Variants in IARS1 observed in about 807,000 individuals in gnomAD.
IARS1 encodes the protein isoleucyl-tRNA synthetase 1.
In IARS1, 124 loss-of-function variants were observed where a neutral mutation model predicts 168.2. That is an observed-to-expected ratio of 0.74 (90% CI 0.64 to 0.86). The LOEUF is 0.86. IARS1 is among the 40% of genes least tolerant of loss of function. IARS1 has a pLI of 0.00. For synonymous variants in IARS1, 532 were observed against 529.4 expected, an observed-to-expected ratio of 1.00 and a Z score of -0.07; for missense variants, 1,452 against 1,515.8, an observed-to-expected ratio of 0.96 and a Z score of 0.70.
chr9:92,217,237 C>T (rs1838865152), intron 33 of IARS1, among the ~76,000 whole-genome samples: 1 of 151,674 alleles, frequency 6.6e-6, no homozygotes, highest in African/African-American at 2.4e-5. Flanking sequence ...AGAACAAAGA[C>T]ACAACATACC....
chr9:92,283,952 G>A (rs1044188339), intron 6 of IARS1, among the ~76,000 whole-genome samples: 7 of 152,126 alleles, frequency 4.6e-5, no homozygotes, highest in African/African-American at 9.7e-5. Context: ...AGGCCAAGGC[G>A]GGTGGACTGC....
chr9:92,257,475 T>C (rs538226967), intron 19 of IARS1, among the ~76,000 whole-genome samples: 1 of 152,264 alleles, frequency 6.6e-6, no homozygotes, highest in Non-Finnish European at 1.5e-5. Context: ...CCCACACCAG[T>C]GGAGACCTGC....
chr9:92,291,833 C>T (rs953639391), intron 1 of IARS1, among the ~76,000 whole-genome samples: 5 of 152,168 alleles, frequency 3.3e-5, no homozygotes, highest in African/African-American at 9.7e-5. Context: ...GCAGACTTAC[C>T]AGCCTCACCT....
rs79227574 is a variant in IARS1 at position 92,277,848 on chromosome 9, G to A, written c.894+15C>T. The stretch of plus-strand genomic sequence containing the variant: ...GATTGTGGAGAGCGCCCACAGTAGC[G>A]GTCCCTAAGCTTACCTTCAGGAAAT... On this transcript the variant is annotated intron_variant, in intron 9 of 33. Coordinates refer to ENST00000443024, the MANE Select transcript of IARS1 (RefSeq NM_002161.6). The A allele has an allele frequency of 1.4e-3, 2,270 of 1,609,806 alleles. 26 individuals carry two copies. The African/African-American group carries it at 0.016, about 11-fold the overall frequency.
In IARS1 at chr9:92,216,039, A is replaced by T. The variant is rs1838622766; in HGVS notation, c.3707-5150T>A. ...GCCAGAGAGAAAGGTCGGGTTACCC[A>T]CAAAGGGAAGCCCATCAGACTAACA... On this transcript the variant is annotated intron_variant, in intron 33 of 33. Transcript: ENST00000443024. Among the ~76,000 whole-genome samples, 4 of 151,576 alleles carry T rather than the reference A, an allele frequency of 2.6e-5. No homozygotes were observed. In the South Asian group the frequency reaches 6.3e-4, roughly 24 times the overall value.
Position 92,288,190 on chromosome 9 carries a change from T to C in IARS1, c.212A>G (p.Tyr71Cys). The C allele has an allele frequency of 1.2e-6, 2 of 1,614,110 alleles. No individual in the cohort carries two copies. Among genetic ancestry groups the C allele is most frequent in the East Asian group, 2.2e-5 (1 of 44,868 alleles). Residue 71 changes from tyrosine to cysteine, a missense_variant, in exon 3 of 34, where the codon TAT becomes TGT. Physicochemically the swap from Tyr to Cys is radical, Grantham distance 194. Transcript: ENST00000443024. ...AACATGAAACCCACTCTGGTGAGCA[T>C]ATCTTGTAACTATATCTTTAATTGT... ...AGTIKDIVTRYAHQSGFHVDR... is the reference protein window; with the variant it reads ...AGTIKDIVTRCAHQSGFHVDR...
chr9:92,271,739 T>A, intron 10 of IARS1, 84 bp from the exon 11 acceptor site: 1 of 1,415,872 alleles, frequency 7.1e-7, no homozygotes, highest in Non-Finnish European at 9.9e-7. Flanking sequence ...AAGATAATTG[T>A]TCTATATTGT....
At chr9:92,271,263 C>T (rs1288438018) in intron 11 of IARS1, among the ~76,000 whole-genome samples, 187 bp from the exon 12 acceptor site, 1 of 152,064 alleles carries the variant, frequency 6.6e-6, no homozygotes, top group African/African-American at 2.4e-5. Flanking sequence ...TAAAGTTTTT[C>T]GATCTGAAAT....
Position 92,258,888 on chromosome 9 carries a change from C to A in IARS1, c.1982G>T (p.Arg661Leu). Residue 661 changes from arginine (R) to leucine (L), a missense_variant, in exon 19 of 34, where the codon CGC (arginine) becomes CTC (leucine). Physicochemically the swap from Arg to Leu is moderately radical, Grantham distance 102. Coordinates refer to ENST00000443024, the MANE Select transcript of IARS1 (RefSeq NM_002161.6). ...CCTCAGAACGTTCTGGATTAAGAAG[C>A]GATAGGCATTGTACCATGGGAGCAG... ...DVLLPWYNAY[R>L]FLIQNVLRLQ... 6.2e-7 allele frequency: 1 copy of A among 1,612,942 alleles called. No homozygotes were observed.
chr9:92,286,678 G>A (rs1223512890), intron 4 of IARS1, 60 bp from the exon 5 acceptor site: 2 of 942,996 alleles, frequency 2.1e-6, no homozygotes, highest in Non-Finnish European at 3.3e-6. Context: ...GTACATCAAT[G>A]TGTGTTTATT....
chr9:92,232,520 T>C (rs1454301349), intron 30 of IARS1, among the ~76,000 whole-genome samples: 3 of 152,146 alleles, frequency 2.0e-5, no homozygotes, highest in African/African-American at 7.2e-5. Flanking sequence ...TGCCTTATAG[T>C]AGAATGACTT....
intron 25 of IARS1, 133 bp from the exon 26 acceptor site, chr9:92,247,684 T>C: frequency 2.8e-6 from 2 of 702,258 alleles, no homozygotes; most frequent in Non-Finnish European, 4.7e-6. Flanking sequence ...CAACTGTGAA[T>C]GGATAAACAA....
intron 33 of IARS1, among the ~76,000 whole-genome samples, chr9:92,211,799 G>A (rs1027115392): frequency 6.6e-6 from 1 of 152,130 alleles, no homozygotes; most frequent in Non-Finnish European, 1.5e-5. Flanking sequence ...GTCTGGAGAA[G>A]TAAAAGTACA....
chr9:92,234,881 T>C (rs1477762090), intron 30 of IARS1, among the ~76,000 whole-genome samples: 2 of 151,918 alleles, frequency 1.3e-5, no homozygotes, highest in East Asian at 1.9e-4. Context: ...TTCGTTCTTG[T>C]TGCCCAAACT....
intron 33 of IARS1, 134 bp downstream of exon 33, chr9:92,222,386 G>GTAAATT: frequency 2.1e-6 from 1 of 471,254 alleles, no homozygotes; most frequent in Admixed American, 3.3e-5. Flanking sequence ...TTATATTATG[G>GTAAATT]TAAATTTCTG....
At chr9:92,214,946 T>C (rs1353165987) in intron 33 of IARS1, among the ~76,000 whole-genome samples, 1 of 152,246 alleles carries the variant, frequency 6.6e-6, no homozygotes, top group Non-Finnish European at 1.5e-5. Flanking sequence ...TGCATGCCTC[T>C]GTAGGCTCCA....
intron 20 of IARS1, among the ~76,000 whole-genome samples, chr9:92,255,355 G>A (rs553279516): frequency 6.6e-6 from 1 of 152,278 alleles, no homozygotes; most frequent in East Asian, 1.9e-4. Context: ...TGTGAGGGTG[G>A]ATTTGCCTTG....
rs1288496863 is a variant in IARS1, at chr9:92,254,453, TAA to T, written c.2138-1002_2138-1001del. 5.9e-5 allele frequency among the ~76,000 whole-genome samples: 9 copies of T among 152,238 alleles called. No individual in the cohort carries two copies. The East Asian group carries it at 1.7e-3, about 29-fold the overall frequency. On this transcript the variant is annotated intron_variant, in intron 20 of 33. Coordinates refer to ENST00000443024, the MANE Select transcript of IARS1 (RefSeq NM_002161.6). The stretch of plus-strand genomic sequence containing the variant: ...TGTTAATGAGGCTTCTGGTCTAAGC[TAA>T]GAGACGAGAAGTTGCAACCGGCAGA...
intron 30 of IARS1, among the ~76,000 whole-genome samples, chr9:92,229,430 A>G (rs1826320438): frequency 6.6e-6 from 1 of 151,272 alleles, no homozygotes; most frequent in Non-Finnish European, 1.5e-5. Context: ...CTTGGTAGCT[A>G]TGGTCCAGGC....
Sources: allele counts gnomAD v4.1 joint callset (sites outside exome capture counted in the v4.1 genomes callset), GRCh38; gene constraint gnomAD v4.1.1; transcripts MANE v1.5; gene names NCBI Gene and HGNC (gene_info 2026-07-23, HGNC 2026-07-21).